Variants in ITGBL1 observed in about 807,000 individuals in gnomAD.
The protein encoded by ITGBL1 is integrin subunit beta like 1, also known as integrin beta-like protein 1.
ITGBL1 carries 51 observed loss-of-function variants against 68.5 expected under a neutral mutation model. The ratio of observed to expected loss-of-function variants is 0.74; its 90% CI spans 0.59 to 0.94. The LOEUF is 0.94. Among genes scored for constraint, ITGBL1 ranks in the 40% least tolerant of loss-of-function variants. ITGBL1 has a pLI of 0.00. For synonymous variants in ITGBL1, 209 were observed against 227.3 expected (o/e 0.92, Z 0.72); for missense variants, 649 against 647.4 (o/e 1.00, Z -0.03).
chr13:101,546,352 A>G (rs2049823726), intron 2 of ITGBL1, among the ~76,000 whole-genome samples: 3 of 152,184 alleles, frequency 2.0e-5, no homozygotes, highest in Non-Finnish European at 4.4e-5. Flanking sequence ...TAGGGTTTAT[A>G]TGTACACTTT....
intron 7 of ITGBL1, among the ~76,000 whole-genome samples, chr13:101,684,959 G>A (rs547719391): frequency 2.7e-4 from 41 of 151,992 alleles, no homozygotes; most frequent in African/African-American, 9.9e-4. Flanking sequence ...GATGACGTCT[G>A]ACTATTTTTG....
chr13:101,521,837 CT>C (rs1293942181), intron 2 of ITGBL1, among the ~76,000 whole-genome samples: 16 of 149,222 alleles, frequency 1.1e-4, no homozygotes, highest in African/African-American at 2.2e-4. Context: ...CCTTTTCTTG[CT>C]TTTTTTTTTC....
At chr13:101,599,808 GT>G (rs2139329994) in intron 7 of ITGBL1, among the ~76,000 whole-genome samples, 1 of 152,110 alleles carries the variant, frequency 6.6e-6, no homozygotes, top group Non-Finnish European at 1.5e-5. Flanking sequence ...CTCTGTTTTG[GT>G]ACCAGTACCA....
chr13:101,456,087 G>T (rs774835171), intron 2 of ITGBL1, among the ~76,000 whole-genome samples: 1 of 152,146 alleles, frequency 6.6e-6, no homozygotes, highest in Non-Finnish European at 1.5e-5. Flanking sequence ...TTTACTCATA[G>T]CATCTTAGTC....
At chr13:101,504,626 A>T (rs1189650749) in intron 2 of ITGBL1, among the ~76,000 whole-genome samples, 2 of 152,198 alleles carry the variant, frequency 1.3e-5, no homozygotes, top group Non-Finnish European at 1.5e-5. Context: ...CGGCCTGTAT[A>T]TATATTTTAT....
chr13:101,605,341 CAT>C lies in ITGBL1; in HGVS notation c.1015+7045_1015+7046del, dbSNP rs1205251121. Among the ~76,000 whole-genome samples the C allele has an allele frequency of 1.4e-5, 2 of 143,024 alleles. 1 individual carries two copies. The highest frequency in any genetic ancestry group is 5.2e-5 in the African/African-American group (2 of 38,294). The allele number at this position is 143,024 out of a possible 152,430, so 93.8% of individuals were successfully genotyped here. ...ATGCATATGCGTATATATATATACA[CAT>C]ATCTAGACATGTATGTGTGCATATG... On this transcript the variant is annotated intron_variant, in intron 7 of 10. Coordinates refer to ENST00000376180, the MANE Select transcript of ITGBL1 (RefSeq NM_004791.3).
rs114406973 is a variant in ITGBL1 at position 101,596,724 on chromosome 13, C to T, written c.869-1429C>T. On this transcript the variant is annotated intron_variant, in intron 6 of 10. Transcript: ENST00000376180. ...AAATGGTTAATTTAAAAAAATCCTG[C>T]TCTGAATAATATTCCATTCTTTGGA... Among the ~76,000 whole-genome samples the T allele has an allele frequency of 2.6e-3, 399 of 152,112 alleles. 1 individual carries two copies. The highest frequency in any genetic ancestry group is 9.2e-3 in the African/African-American group (381 of 41,464).
chr13:101,609,395 G>A (rs572147005), intron 7 of ITGBL1, among the ~76,000 whole-genome samples: 6 of 152,148 alleles, frequency 3.9e-5, no homozygotes, highest in African/African-American at 1.2e-4. Flanking sequence ...GCTCAGAATA[G>A]TCATCTACTT....
intron 2 of ITGBL1, among the ~76,000 whole-genome samples, chr13:101,523,344 C>G (rs117920558): frequency 6.6e-6 from 1 of 152,176 alleles, no homozygotes; most frequent in Non-Finnish European, 1.5e-5. Flanking sequence ...AAACCATCCT[C>G]TTTGTGAGAG....
Position 101,598,233 on chromosome 13 carries a change from A to G in ITGBL1, c.949A>G (p.Thr317Ala). Residue 317 changes from threonine (T) to alanine (A), a missense_variant, in exon 7 of 11, where the codon ACG (threonine) becomes GCG (alanine). Thr to Ala is a moderately conservative substitution (Grantham distance 58). Transcript: ENST00000376180. ...GKKCEHPQSC[T>A]LSAEESIRKC... ...GAAGTGTGAGCACCCACAGTCCTGC[A>G]CGCTGTCAGCTGAGGAGAGCATCAG... 1 of 1,613,904 alleles carries G rather than the reference A, an allele frequency of 6.2e-7. No homozygotes were observed. The highest frequency in any genetic ancestry group is 1.7e-4 in the Middle Eastern group (1 of 6,060).
intron 8 of ITGBL1, among the ~76,000 whole-genome samples, chr13:101,705,424 G>A (rs1408616486): frequency 1.3e-5 from 2 of 151,256 alleles, no homozygotes; most frequent in Non-Finnish European, 2.9e-5. Context: ...CTACCGATCC[G>A]CATTCTCGCA....
chr13:101,529,967 T>C (rs1233247134), intron 2 of ITGBL1, among the ~76,000 whole-genome samples: 1 of 152,160 alleles, frequency 6.6e-6, no homozygotes, highest in African/African-American at 2.4e-5. Flanking sequence ...CACAATTTTC[T>C]ATCTAAAAAA....
chr13:101,581,849 C>T (rs1018141831), intron 5 of ITGBL1, among the ~76,000 whole-genome samples: 1 of 152,118 alleles, frequency 6.6e-6, no homozygotes, highest in Non-Finnish European at 1.5e-5. Flanking sequence ...ATTGCAAAAT[C>T]GCTACCCAGA....
chr13:101,511,554 G>T lies in ITGBL1; in HGVS notation c.317-56145G>T, dbSNP rs933793443. 2.0e-5 allele frequency among the ~76,000 whole-genome samples: 3 copies of T among 152,088 alleles called. No individual in the cohort carries two copies. The East Asian group carries it at 5.8e-4, about 29-fold the overall frequency. On this transcript the variant is annotated intron_variant, in intron 2 of 10. Coordinates refer to ENST00000376180, the MANE Select transcript of ITGBL1 (RefSeq NM_004791.3). The stretch of plus-strand genomic sequence containing the variant: ...CAAAAGAGAAATTTTACTGGGTGGG[G>T]TTGACCTAATCAGGTAAGCCCTTTA...
At position 101,605,794 on chromosome 13, in the gene ITGBL1, A is replaced by G. The variant is rs201488895; in HGVS notation, c.1015+7495A>G. Among the ~76,000 whole-genome samples, 1,198 of 150,676 alleles carry G rather than the reference A, an allele frequency of 8.0e-3. 18 individuals are homozygous for G. Among genetic ancestry groups the G allele is most frequent in the African/African-American group, 0.028 (1,155 of 41,136 alleles). On this transcript the variant is annotated intron_variant, in intron 7 of 10. Coordinates refer to ENST00000376180, the MANE Select transcript of ITGBL1 (RefSeq NM_004791.3). ...TGTGTAGGCATATGTATGTGCGTAT[A>G]TGTACTCGTGTGTAGACATGTATGT...
chr13:101,531,340 T>C (rs4771400), intron 2 of ITGBL1, among the ~76,000 whole-genome samples: 56,000 of 152,010 alleles, frequency 0.37, 10,428 homozygotes, highest in South Asian at 0.4. Flanking sequence ...TAACTTAAAG[T>C]TTCAGTTTCA....
At chr13:101,558,511 A>G (rs990679592) in intron 2 of ITGBL1, among the ~76,000 whole-genome samples, 3 of 152,348 alleles carry the variant, frequency 2.0e-5, no homozygotes, top group Non-Finnish European at 2.9e-5. Context: ...ACTGAAAGCT[A>G]GAAGGTGACA....
chr13:101,504,318 C>T (rs951273009), intron 2 of ITGBL1, among the ~76,000 whole-genome samples: 7 of 146,554 alleles, frequency 4.8e-5, no homozygotes, highest in African/African-American at 1.7e-4. Flanking sequence ...CTCTCAGAGT[C>T]ACGATCCAGC....
intron 7 of ITGBL1, among the ~76,000 whole-genome samples, chr13:101,683,954 T>C (rs2033698888): frequency 6.6e-6 from 1 of 152,004 alleles, no homozygotes; most frequent in Non-Finnish European, 1.5e-5. Flanking sequence ...TTTAAATAGT[T>C]TGGATATGAG....
Sources: gnomAD v4.1 joint callset for allele counts (sites outside exome capture counted in the v4.1 genomes callset) on GRCh38, gnomAD v4.1.1 for gene constraint, MANE v1.5 for transcripts, NCBI Gene and HGNC (gene_info 2026-07-23, HGNC 2026-07-21) for gene names.